The following ASH1L variants were observed in gnomAD, a reference collection of about 807,000 sequenced individuals.
ASH1L encodes the protein ASH1 like histone lysine methyltransferase, also known as histone-lysine N-methyltransferase ASH1L.
A neutral mutation model predicts 269.0 loss-of-function variants in ASH1L; 23 were observed. The observed-to-expected ratio is 0.09, with a 90% CI of 0.06 to 0.12. The LOEUF is 0.12. Among genes scored for constraint, ASH1L ranks in the 10% least tolerant of loss-of-function variants. The pLI is 1.00. For synonymous variants in ASH1L, 1,187 were observed against 1,253.5 expected (o/e 0.95, Z 1.12); for missense variants, 2,912 against 3,567.8 (o/e 0.82, Z 4.68).
chr1:155,510,005 A>G (rs1432696254), intron 2 of ASH1L, among the ~76,000 whole-genome samples: 2 of 152,258 alleles, frequency 1.3e-5, no homozygotes, highest in South Asian at 2.1e-4. Flanking sequence ...TTCTAATGAC[A>G]CGTCAAAAAT....
chr1:155,404,932 G>A (rs1659143965), intron 6 of ASH1L, among the ~76,000 whole-genome samples: 1 of 151,942 alleles, frequency 6.6e-6, no homozygotes, highest in South Asian at 2.1e-4. Flanking sequence ...GGAGGCTGAG[G>A]CAGGAGAATC....
chr1:155,463,497 T>A (rs1292637937), intron 3 of ASH1L, among the ~76,000 whole-genome samples: 2 of 152,198 alleles, frequency 1.3e-5, no homozygotes, highest in Non-Finnish European at 2.9e-5. Context: ...AGGTTTATTA[T>A]GGAATTTTTA....
At chr1:155,412,605 A>C (rs1387568868) in intron 6 of ASH1L, among the ~76,000 whole-genome samples, 1 of 152,176 alleles carries the variant, frequency 6.6e-6, no homozygotes, top group Non-Finnish European at 1.5e-5. Context: ...AAATGGAAGT[A>C]CATGTTTCCT....
intron 2 of ASH1L, among the ~76,000 whole-genome samples, chr1:155,508,686 AG>A (rs1667975457): frequency 1.3e-5 from 2 of 152,164 alleles, no homozygotes. Context: ...TAAAACAATC[AG>A]GGGCTTTCTA....
intron 21 of ASH1L, among the ~76,000 whole-genome samples, chr1:155,344,757 A>G (rs1653101534): frequency 6.6e-6 from 1 of 152,348 alleles, no homozygotes; most frequent in Non-Finnish European, 1.5e-5. Flanking sequence ...AGCAGAGCCA[A>G]GCACAGAACC....
intron 1 of ASH1L, among the ~76,000 whole-genome samples, chr1:155,532,930 C>CAT (rs920335545): frequency 2.9e-5 from 4 of 136,596 alleles, no homozygotes; most frequent in Non-Finnish European, 4.6e-5. Context: ...TATATGTGTG[C>CAT]ATATATATGT....
At chr1:155,459,937 CA>C in intron 3 of ASH1L, 39 bp from the exon 4 acceptor site, 1 of 1,468,954 alleles carries the variant, frequency 6.8e-7, no homozygotes, top group Non-Finnish European at 9.2e-7. Context: ...TAGGAAAATT[CA>C]ACTTTAAAAA....
intron 3 of ASH1L, among the ~76,000 whole-genome samples, chr1:155,475,416 G>A (rs1046245828): frequency 9.2e-5 from 14 of 152,138 alleles, no homozygotes; most frequent in South Asian, 2.1e-4. Flanking sequence ...GATTACAGGC[G>A]TGAGCCACCG....
At chr1:155,555,720 T>C (rs891585567) in intron 1 of ASH1L, among the ~76,000 whole-genome samples, 1 of 152,196 alleles carries the variant, frequency 6.6e-6, no homozygotes, top group Non-Finnish European at 1.5e-5. Flanking sequence ...ACTATTTACC[T>C]CATTTCTTCT....
intron 6 of ASH1L, among the ~76,000 whole-genome samples, chr1:155,411,138 G>A (rs914222177): frequency 5.9e-5 from 9 of 152,056 alleles, no homozygotes; most frequent in African/African-American, 2.2e-4. Context: ...TGAAAACTCT[G>A]TACTTTCCAC....
intron 1 of ASH1L, among the ~76,000 whole-genome samples, chr1:155,546,878 C>CCTTACAT (rs1670862678): frequency 6.6e-6 from 1 of 152,016 alleles, no homozygotes; most frequent in African/African-American, 2.4e-5. Flanking sequence ...CCAGTGAACC[C>CCTTACAT]CTTACATTCA....
chr1:155,357,686 T>C lies in ASH1L; in HGVS notation c.6859A>G (p.Asn2287Asp). 2 of 1,614,178 alleles carry C rather than the reference T, an allele frequency of 1.2e-6. No homozygotes were observed. The highest frequency in any genetic ancestry group is 1.7e-6 in the Non-Finnish European group (2 of 1,180,028). The change falls in exon 14 of 28, where the codon AAT (asparagine) becomes GAT (aspartate). Residue 2287 changes from asparagine to aspartate, a missense_variant. Transcript: ENST00000392403. ...GIIGGKSQRV[N>D]GLTSSKNSQP... is the part of the protein sequence containing the mutation. Reference sequence around the variant, plus strand: ...CTGTTTTTGCTGCTGGTGAGTCCATTCACACGCTGACTCTTGCCTCCGATG... The same window carrying C: ...CTGTTTTTGCTGCTGGTGAGTCCATCCACACGCTGACTCTTGCCTCCGATG...
intron 1 of ASH1L, among the ~76,000 whole-genome samples, chr1:155,527,531 C>CTTTTTT (rs35475547): frequency 2.7e-5 from 3 of 110,818 alleles, no homozygotes; most frequent in South Asian, 3.2e-4. Context: ...TACGGGATAC[C>CTTTTTT]TTTTTTTTTT....
In ASH1L at chr1:155,482,277, C is replaced by T. The variant is rs1490741895; in HGVS notation, c.593G>A (p.Gly198Asp). 5.6e-6 allele frequency: 9 copies of T among 1,613,998 alleles called. No individual in the cohort carries two copies. Among genetic ancestry groups the T allele is most frequent in the Non-Finnish European group, 6.8e-6 (8 of 1,180,020 alleles). Reference protein sequence around the residue: ...YINATPSTLLGSRDPDLKDRA... With the variant: ...YINATPSTLLDSRDPDLKDRA... ...GTCCTTTAAATCAGGATCCCGGCTA[C>T]CAAGAAGAGTAGATGGCGTTGCATT... The change falls in exon 3 of 28, where the codon GGT becomes GAT. Residue 198 changes from glycine (G) to aspartate (D), a missense_variant. By Grantham distance (94) the Gly-to-Asp change is moderately conservative. Coordinates refer to ENST00000392403, the MANE Select transcript of ASH1L (RefSeq NM_018489.3).
intron 12 of ASH1L, among the ~76,000 whole-genome samples, chr1:155,367,039 G>A (rs1289790858): frequency 6.7e-6 from 1 of 149,076 alleles, no homozygotes; most frequent in Non-Finnish European, 1.5e-5. Flanking sequence ...TGTCACACAG[G>A]CTGGAGTGCA....
intron 3 of ASH1L, among the ~76,000 whole-genome samples, chr1:155,461,140 C>T (rs770056419): frequency 4.0e-4 from 61 of 152,112 alleles, no homozygotes; most frequent in Non-Finnish European, 7.9e-4. Context: ...TCAAGATCTG[C>T]CTCTAAATGA....
At chr1:155,508,575 G>A (rs1293910400) in intron 2 of ASH1L, among the ~76,000 whole-genome samples, 1 of 152,190 alleles carries the variant, frequency 6.6e-6, no homozygotes, top group Non-Finnish European at 1.5e-5. Context: ...AGAAGGCGGA[G>A]ATTGCAGTGA....
intron 3 of ASH1L, among the ~76,000 whole-genome samples, chr1:155,471,861 T>C (rs965478428): frequency 1.3e-5 from 2 of 152,220 alleles, no homozygotes; most frequent in Non-Finnish European, 1.5e-5. Context: ...TGCTCTTAAC[T>C]TGAGGTCTTC....
At chr1:155,449,931 C>G (rs1663347861) in intron 4 of ASH1L, among the ~76,000 whole-genome samples, 1 of 152,142 alleles carries the variant, frequency 6.6e-6, no homozygotes, top group African/African-American at 2.4e-5. Flanking sequence ...GAAGAACGTC[C>G]TTTAGTGTTT....
Sources: gnomAD v4.1 joint callset for allele counts (sites outside exome capture counted in the v4.1 genomes callset) on GRCh38, gnomAD v4.1.1 for gene constraint, MANE v1.5 for transcripts, NCBI Gene and HGNC (gene_info 2026-07-23, HGNC 2026-07-21) for gene names.